GUCY1A2: variants seen among roughly 807,000 people sequenced by gnomAD.
The protein encoded by GUCY1A2 is guanylate cyclase soluble subunit alpha-2.
GUCY1A2 carries 27 observed loss-of-function variants against 63.5 expected under a neutral mutation model. That is an observed-to-expected ratio of 0.43 (90% CI 0.31 to 0.59). The LOEUF (loss-of-function observed/expected upper bound fraction) is 0.59, where lower values mean the gene tolerates loss of function less well. Among genes scored for constraint, GUCY1A2 ranks in the 20% least tolerant of loss-of-function variants. The pLI is 0.11. For missense variants in GUCY1A2, 768 were observed against 913.3 expected (o/e 0.84, Z 2.05); for synonymous variants, 364 against 343.5 (o/e 1.06, Z -0.66).
chr11:106,694,083 G>C (rs1393890573), intron 7 of GUCY1A2, among the ~76,000 whole-genome samples: 3 of 152,096 alleles, frequency 2.0e-5, no homozygotes, highest in Non-Finnish European at 2.9e-5. Context: ...TTTCATTAGG[G>C]TTCCCAAATA....
intron 7 of GUCY1A2, 50 bp from the exon 8 acceptor site, chr11:106,687,806 A>C (rs1398476562): frequency 8.0e-7 from 1 of 1,247,834 alleles, no homozygotes; most frequent in East Asian, 2.3e-5. Context: ...GGGAAATGTA[A>C]ATACATGGAC....
intron 4 of GUCY1A2, among the ~76,000 whole-genome samples, chr11:106,879,237 T>C (rs576158320): frequency 6.5e-4 from 99 of 152,188 alleles, no homozygotes; most frequent in African/African-American, 2.3e-3. Flanking sequence ...CTATGTGTGT[T>C]TATTCAGCAA....
At chr11:106,746,491 T>C in intron 6 of GUCY1A2, 1 of 839,898 alleles carries the variant, frequency 1.2e-6, no homozygotes, top group Admixed American at 2.2e-5. Context: ...AAGTAAGTAA[T>C]AACCAATATG....
At chr11:106,855,937 A>ATTTG (rs1859426845) in intron 4 of GUCY1A2, among the ~76,000 whole-genome samples, 1 of 138,606 alleles carries the variant, frequency 7.2e-6, no homozygotes, top group Non-Finnish European at 1.6e-5. Flanking sequence ...TTATTTATTT[A>ATTTG]TTTTTGGTGA....
In GUCY1A2 at chr11:106,681,350, T is replaced by A. The variant is rs1862429035; in HGVS notation, c.*6199A>T. 8.8e-6 allele frequency: 2 copies of A among 226,468 alleles called. No individual in the cohort carries two copies. Among genetic ancestry groups the A allele is most frequent in the African/African-American group, 2.2e-5 (1 of 44,994 alleles). The allele number at this position is 226,468 out of a possible 1,614,324, so 14.0% of individuals were successfully genotyped here. On this transcript the variant is annotated 3_prime_UTR_variant, in exon 8 of 8. Transcript: ENST00000526355. ...CTGCCGCAAGACCCATCTATATTTT[T>A]GCAAAGCCTACTTTCTCAATCACCT...
rs779104702 is a variant in GUCY1A2, at chr11:106,746,659, C to G, written c.1836+29780G>C. The G allele has an allele frequency of 6.9e-6, 10 of 1,456,742 alleles. No individual in the cohort carries two copies. In the East Asian group the frequency reaches 2.0e-4, roughly 30 times the overall value. The allele number at this position is 1,456,742 out of a possible 1,614,324, so 90.2% of individuals were successfully genotyped here. On this transcript the variant is annotated intron_variant, in intron 6 of 7. Coordinates refer to ENST00000526355, the MANE Select transcript of GUCY1A2 (RefSeq NM_000855.3). ...TCCTCTGGGGCTTGAAAAGTCACAC[C>G]GAGACACCAAGTGAATCAAGGGACA... is the stretch of plus-strand genomic sequence containing the variant.
chr11:107,002,388 G>GGGGTGTGT (rs1861622288), intron 1 of GUCY1A2, among the ~76,000 whole-genome samples: 1 of 149,034 alleles, frequency 6.7e-6, no homozygotes, highest in African/African-American at 2.5e-5. Flanking sequence ...AATAAGAACA[G>GGGGTGTGT]GTGTGTGTGT....
At position 106,679,979 on chromosome 11, in the gene GUCY1A2, T is replaced by C. The variant is rs1489080740; in HGVS notation, c.*7570A>G. The C allele has an allele frequency of 1.4e-5, 3 of 218,002 alleles. No homozygotes were observed. In the East Asian group the frequency reaches 2.0e-4, roughly 15 times the overall value. The allele number at this position is 218,002 out of a possible 1,614,324, so 13.5% of individuals were successfully genotyped here. On this transcript the variant is annotated 3_prime_UTR_variant, in exon 8 of 8. Coordinates refer to ENST00000526355, the MANE Select transcript of GUCY1A2 (RefSeq NM_000855.3). Reference sequence around the variant, plus strand: ...TTTCTCTTTTTTTGTCTTTCTCTTTTCTTTTTAAAAATGAGTGACCAGTAG... The same window carrying C: ...TTTCTCTTTTTTTGTCTTTCTCTTTCCTTTTTAAAAATGAGTGACCAGTAG...
intron 6 of GUCY1A2, among the ~76,000 whole-genome samples, chr11:106,717,895 T>C (rs1228724837): frequency 6.6e-6 from 1 of 152,188 alleles, no homozygotes; most frequent in Non-Finnish European, 1.5e-5. Context: ...GACAAGAAAG[T>C]CCATTATTTT....
intron 1 of GUCY1A2, among the ~76,000 whole-genome samples, chr11:107,001,505 A>C (rs1323122142): frequency 1.3e-5 from 2 of 152,162 alleles, no homozygotes; most frequent in Non-Finnish European, 2.9e-5. Context: ...TTAAGCATGC[A>C]TAGGGGGCAT....
chr11:106,877,089 G>A (rs1218807807), intron 4 of GUCY1A2, among the ~76,000 whole-genome samples: 2 of 152,048 alleles, frequency 1.3e-5, no homozygotes, highest in Non-Finnish European at 2.9e-5. Flanking sequence ...GCAGCCTTTA[G>A]AAGTTGAAAA....
intron 4 of GUCY1A2, among the ~76,000 whole-genome samples, chr11:106,930,808 C>T (rs941599522): frequency 2.6e-5 from 4 of 152,194 alleles, no homozygotes; most frequent in Non-Finnish European, 4.4e-5. Flanking sequence ...GACACAGCGA[C>T]CCATGCCTGT....
intron 6 of GUCY1A2, among the ~76,000 whole-genome samples, chr11:106,711,497 C>T (rs895771089): frequency 6.6e-6 from 1 of 152,102 alleles, no homozygotes; most frequent in Non-Finnish European, 1.5e-5. Flanking sequence ...TCCAGATTGC[C>T]AGGCTGCTCT....
chr11:106,950,499 C>T (rs947686511), intron 3 of GUCY1A2, among the ~76,000 whole-genome samples: 1 of 152,208 alleles, frequency 6.6e-6, no homozygotes, highest in African/African-American at 2.4e-5. Flanking sequence ...AGGGCAGTGG[C>T]TCCCAAGATT....
At chr11:106,817,632 A>G (rs1204564363) in intron 4 of GUCY1A2, among the ~76,000 whole-genome samples, 1 of 152,134 alleles carries the variant, frequency 6.6e-6, no homozygotes, top group Non-Finnish European at 1.5e-5. Context: ...TCCAAAATAT[A>G]TAAAGAACTC....
chr11:106,776,275 C>A (rs1397302174), intron 6 of GUCY1A2, among the ~76,000 whole-genome samples, 164 bp downstream of exon 6: 1 of 152,094 alleles, frequency 6.6e-6, no homozygotes, highest in East Asian at 1.9e-4. Context: ...TCCATTTGTT[C>A]TTTTCCTGGA....
chr11:107,013,240 T>A (rs79112866), intron 1 of GUCY1A2, among the ~76,000 whole-genome samples: 1 of 152,108 alleles, frequency 6.6e-6, no homozygotes, highest in Non-Finnish European at 1.5e-5. Context: ...GCTTCTGAGG[T>A]CTTCAAAGCC....
chr11:106,708,383 T>G (rs1862954867), intron 7 of GUCY1A2, 129 bp downstream of exon 7: 2 of 644,914 alleles, frequency 3.1e-6, no homozygotes, highest in Non-Finnish European at 5.1e-6. Context: ...TCTTTTGGGT[T>G]TGGGCAGTTC....
intron 3 of GUCY1A2, among the ~76,000 whole-genome samples, chr11:106,976,541 T>C (rs1411193688): frequency 6.6e-6 from 1 of 152,196 alleles, no homozygotes; most frequent in African/African-American, 2.4e-5. Flanking sequence ...AGTCAATATA[T>C]CAAGAGTTCT....
Sources: allele counts gnomAD v4.1 joint callset (sites outside exome capture counted in the v4.1 genomes callset), GRCh38; gene constraint gnomAD v4.1.1; transcripts MANE v1.5; gene names NCBI Gene and HGNC (gene_info 2026-07-23, HGNC 2026-07-21).